The following CRTAC1 variants were observed in gnomAD, a reference collection of about 807,000 sequenced individuals.
The protein encoded by CRTAC1 is cartilage acidic protein 1, also known as acidic secreted protein in cartilage.
In CRTAC1, 37 loss-of-function variants were observed where a neutral mutation model predicts 67.8. The observed-to-expected ratio is 0.55, with a 90% CI of 0.42 to 0.72. The LOEUF is 0.72. Ranked by LOEUF, CRTAC1 falls within the 30% of genes least tolerant of loss-of-function variation. The pLI is 0.00. For missense variants in CRTAC1, 780 were observed against 931.6 expected, an observed-to-expected ratio of 0.84 and a Z score of 2.12; for synonymous variants, 348 against 371.0, an observed-to-expected ratio of 0.94 and a Z score of 0.71.
chr10:98,018,682 G>A (rs967271127), intron 1 of CRTAC1, among the ~76,000 whole-genome samples: 2 of 152,170 alleles, frequency 1.3e-5, no homozygotes, highest in Non-Finnish European at 2.9e-5. Context: ...TATGGAAAGA[G>A]CCAAGGTCAC....
chr10:97,873,868 G>A (rs1469865152), intron 14 of CRTAC1, among the ~76,000 whole-genome samples: 5 of 152,094 alleles, frequency 3.3e-5, no homozygotes, highest in African/African-American at 1.2e-4. Context: ...AGCTGAACAG[G>A]CTCCTCTCTG....
At chr10:97,936,392 C>G in intron 2 of CRTAC1, 26 bp from the exon 3 acceptor site, 1 of 1,583,222 alleles carries the variant, frequency 6.3e-7, no homozygotes, top group Non-Finnish European at 8.6e-7. Context: ...GGAGGGGATG[C>G]TGGGGAGGAG....
chr10:98,005,263 C>T lies in CRTAC1; in HGVS notation c.224+5875G>A, dbSNP rs375184440. On this transcript the variant is annotated intron_variant, in intron 2 of 14. Transcript: ENST00000370597. ...GGGATTATAGGCACGTGCCACCACG[C>T]CTGGCTAATTTTTGTATTTTTAGTA... is the stretch of plus-strand genomic sequence containing the variant. 9.3e-5 allele frequency among the ~76,000 whole-genome samples: 14 copies of T among 150,754 alleles called. No individual in the cohort carries two copies. In the East Asian group the frequency reaches 2.3e-3, roughly 25 times the overall value.
chr10:98,021,750 T>C (rs1474883421), intron 1 of CRTAC1, among the ~76,000 whole-genome samples: 6 of 152,156 alleles, frequency 3.9e-5, no homozygotes, highest in Non-Finnish European at 7.4e-5. Context: ...GCCTGCTCGG[T>C]GCTCCCCTTC....
chr10:97,935,598 G>A (rs539493044), intron 3 of CRTAC1, among the ~76,000 whole-genome samples: 5 of 152,292 alleles, frequency 3.3e-5, no homozygotes, highest in South Asian at 2.1e-4. Flanking sequence ...AAGGCTCCAC[G>A]AACTCAAGGT....
At chr10:97,961,066 G>C (rs1172379345) in intron 2 of CRTAC1, among the ~76,000 whole-genome samples, 1 of 152,148 alleles carries the variant, frequency 6.6e-6, no homozygotes, top group Non-Finnish European at 1.5e-5. Context: ...GTGTGCAACT[G>C]GTCTTGTAAT....
chr10:98,002,640 TC>T (rs1176883087), intron 2 of CRTAC1, among the ~76,000 whole-genome samples: 1 of 151,916 alleles, frequency 6.6e-6, no homozygotes, highest in Non-Finnish European at 1.5e-5. Context: ...AGCTCCGAAT[TC>T]CCTCTCTCCA....
At chr10:97,997,232 T>C (rs1214554039) in intron 2 of CRTAC1, among the ~76,000 whole-genome samples, 2 of 69,768 alleles carry the variant, frequency 2.9e-5, no homozygotes, top group Non-Finnish European at 6.3e-5. Flanking sequence ...ACTTAAAGTA[T>C]AATAATAATA....
At chr10:97,897,126 G>C (rs866751442) in intron 8 of CRTAC1, 135 bp from the exon 9 acceptor site, 1 of 560,738 alleles carries the variant, frequency 1.8e-6, no homozygotes, top group South Asian at 2.4e-5. Context: ...TGCCCACGGA[G>C]CCACTCTCTG....
intron 2 of CRTAC1, among the ~76,000 whole-genome samples, chr10:97,964,436 T>C (rs576874379): frequency 3.1e-4 from 47 of 152,334 alleles, no homozygotes; most frequent in Admixed American, 2.0e-3. Flanking sequence ...CATCAGAGAA[T>C]GAATGAATGA....
At chr10:97,899,984 T>TG (rs1408224149) in intron 8 of CRTAC1, among the ~76,000 whole-genome samples, 4 of 152,202 alleles carry the variant, frequency 2.6e-5, no homozygotes, top group African/African-American at 7.2e-5. Context: ...CAAACTTCAG[T>TG]GTGATGAGAA....
At chr10:97,981,261 C>T (rs566948758) in intron 2 of CRTAC1, among the ~76,000 whole-genome samples, 94 of 152,196 alleles carry the variant, frequency 6.2e-4, no homozygotes, top group Middle Eastern at 3.4e-3. Flanking sequence ...AACAGAAAGA[C>T]GTAAGGAAGA....
At chr10:98,013,523 G>A (rs1002693691) in intron 1 of CRTAC1, among the ~76,000 whole-genome samples, 8 of 152,166 alleles carry the variant, frequency 5.3e-5, no homozygotes, top group Non-Finnish European at 1.0e-4. Context: ...AGCAAGATGA[G>A]AAAGAAATAA....
intron 2 of CRTAC1, among the ~76,000 whole-genome samples, chr10:97,989,377 T>C (rs1192784710): frequency 6.6e-6 from 1 of 152,238 alleles, no homozygotes; most frequent in Non-Finnish European, 1.5e-5. Context: ...TAGTGTGTAC[T>C]TACACAAACC....
intron 2 of CRTAC1, among the ~76,000 whole-genome samples, chr10:97,973,973 C>CAAAAAA (rs552987541): frequency 1.5e-5 from 1 of 68,904 alleles, no homozygotes; most frequent in Non-Finnish European, 3.4e-5. Flanking sequence ...GATCCCATAC[C>CAAAAAA]AAAAAAAAAA....
intron 11 of CRTAC1, among the ~76,000 whole-genome samples, chr10:97,891,369 A>G (rs1013158295): frequency 6.6e-6 from 1 of 152,192 alleles, no homozygotes; most frequent in East Asian, 1.9e-4. Flanking sequence ...AGCCAGCCCA[A>G]CTCCTAGAAT....
intron 3 of CRTAC1, among the ~76,000 whole-genome samples, chr10:97,931,833 C>G (rs955779767): frequency 1.3e-5 from 2 of 152,150 alleles, no homozygotes; most frequent in African/African-American, 4.8e-5. Flanking sequence ...GTGTGTGACC[C>G]CCCCCAGGGG....
At chr10:97,935,738 T>C (rs2051076277) in intron 3 of CRTAC1, among the ~76,000 whole-genome samples, 1 of 152,068 alleles carries the variant, frequency 6.6e-6, no homozygotes, top group Non-Finnish European at 1.5e-5. Context: ...TTTCAGAACA[T>C]TTTAGAAAGG....
At chr10:97,951,035 C>T (rs1324523771) in intron 2 of CRTAC1, among the ~76,000 whole-genome samples, 1 of 152,194 alleles carries the variant, frequency 6.6e-6, no homozygotes, top group Non-Finnish European at 1.5e-5. Flanking sequence ...GAAATTCCCC[C>T]ACAATGACTA....
Sources: gnomAD v4.1 joint callset for allele counts (sites outside exome capture counted in the v4.1 genomes callset) on GRCh38, gnomAD v4.1.1 for gene constraint, MANE v1.5 for transcripts, NCBI Gene and HGNC (gene_info 2026-07-23, HGNC 2026-07-21) for gene names.